PEAK1: variants seen among roughly 807,000 people sequenced by gnomAD.
The protein encoded by PEAK1 is pseudopodium enriched atypical kinase 1.
Under a neutral mutation model 124.7 loss-of-function variants are expected in PEAK1, and 54 were observed. The observed-to-expected ratio is 0.43, with a 90% CI of 0.35 to 0.54. The LOEUF is 0.54. Among genes scored for constraint, PEAK1 ranks in the 20% least tolerant of loss-of-function variants. The pLI, the probability that PEAK1 is intolerant of heterozygous loss-of-function variation, is 0.01. For missense variants in PEAK1, 2,046 were observed against 2,134.5 expected (o/e 0.96, Z 0.82); for synonymous variants, 719 against 760.0 (o/e 0.95, Z 0.89).
At chr15:77,378,014 G>T (rs1415884969) in intron 1 of PEAK1, among the ~76,000 whole-genome samples, 1 of 152,080 alleles carries the variant, frequency 6.6e-6, no homozygotes, top group African/African-American at 2.4e-5. Flanking sequence ...CAACGCCTAT[G>T]AGACTGGGCA....
chr15:77,237,265 T>G (rs983815500), intron 6 of PEAK1, among the ~76,000 whole-genome samples: 4 of 152,186 alleles, frequency 2.6e-5, no homozygotes, highest in Non-Finnish European at 5.9e-5. Flanking sequence ...ATTAAAAATT[T>G]AAATTTCTCT....
chr15:77,158,193 G>A (rs2152784815), intron 8 of PEAK1: 1 of 252,084 alleles, frequency 4.0e-6, no homozygotes, highest in East Asian at 7.7e-5. Context: ...TATACCATGT[G>A]TATATCTCTA....
chr15:77,403,117 T>A, intron 1 of PEAK1: 4 of 985,392 alleles, frequency 4.1e-6, no homozygotes, highest in Non-Finnish European at 4.8e-6. Context: ...TTGGAGCCTT[T>A]TCTGGTTACT....
chr15:77,221,473 A>G (rs962920303), intron 6 of PEAK1, among the ~76,000 whole-genome samples: 5 of 152,238 alleles, frequency 3.3e-5, no homozygotes, highest in East Asian at 3.9e-4. Flanking sequence ...GCTGATTTCA[A>G]TTAGCTTTGA....
At chr15:77,345,181 T>C (rs2066795282) in intron 2 of PEAK1, among the ~76,000 whole-genome samples, 1 of 152,206 alleles carries the variant, frequency 6.6e-6, no homozygotes. Flanking sequence ...GCTTTCCATA[T>C]ATGGCCTACA....
chr15:77,333,854 G>A, intron 2 of PEAK1: 2 of 567,816 alleles, frequency 3.5e-6, no homozygotes, highest in Non-Finnish European at 4.5e-6. Context: ...ACTTCATAAT[G>A]CTACTCCTTC....
rs560709511 is a variant in PEAK1, at chr15:77,323,189, A to C, written c.-602-36685T>G. 7.9e-5 allele frequency among the ~76,000 whole-genome samples: 12 copies of C among 152,342 alleles called. 2 individuals are homozygous for C. The South Asian group carries it at 2.5e-3, about 32-fold the overall frequency. Reference sequence around the variant, plus strand: ...ACAGCCAACATCATACTGAATGGGCAAAAACTGGAAGCGTTCCCTTTGAAA... The same window carrying C: ...ACAGCCAACATCATACTGAATGGGCCAAAACTGGAAGCGTTCCCTTTGAAA... On this transcript the variant is annotated intron_variant, in intron 2 of 9. Coordinates refer to ENST00000682557, the MANE Select transcript of PEAK1 (RefSeq NM_001385026.1).
chr15:77,115,543 G>T (rs372851907), intron 9 of PEAK1, among the ~76,000 whole-genome samples: 1 of 152,056 alleles, frequency 6.6e-6, no homozygotes, highest in African/African-American at 2.4e-5. Context: ...ACCATTTTTA[G>T]TCCTCACATT....
intron 1 of PEAK1, chr15:77,402,062 A>G: frequency 1.3e-6 from 1 of 750,052 alleles, no homozygotes; most frequent in Non-Finnish European, 1.6e-6. Context: ...AACTGGGCGT[A>G]GAGGCATGCA....
chr15:77,403,217 T>C (rs2071524250), intron 1 of PEAK1: 1 of 985,436 alleles, frequency 1.0e-6, no homozygotes, highest in Non-Finnish European at 1.2e-6. Context: ...AAACTGCTGA[T>C]TGGGTATGGT....
rs753955296 is a variant in PEAK1, at chr15:77,114,785, G to C, written c.4612C>G (p.Pro1538Ala). ...QPGGTAQGFG[P>A]AEPSPTSSYP... ...GATGAGGTGGGGCTGGGCTCTGCAG[G>C]CCCAAAGCCTTGGGCAGTCCCCCCA... The change falls in exon 10 of 10, where the codon CCT (proline) becomes GCT (alanine). Residue 1538 changes from proline to alanine, a missense_variant. Physicochemically the swap from Pro to Ala is conservative, Grantham distance 27. Transcript: ENST00000682557. The C allele has an allele frequency of 3.1e-6, 5 of 1,613,076 alleles. No homozygotes were observed. Among genetic ancestry groups the C allele is most frequent in the Admixed American group, 3.3e-5 (2 of 60,002 alleles).
At chr15:77,334,708 T>C (rs1235617851) in intron 2 of PEAK1, 1 of 984,416 alleles carries the variant, frequency 1.0e-6, no homozygotes. Flanking sequence ...GTGTGCTACA[T>C]CTCTCTCTTT....
intron 1 of PEAK1, chr15:77,370,850 T>C (rs947671810): frequency 1.7e-6 from 1 of 581,574 alleles, no homozygotes; most frequent in African/African-American, 2.0e-5. Flanking sequence ...GCCAAAATGG[T>C]GAAATCCCAA....
chr15:77,308,065 AG>A (rs1279245595), intron 2 of PEAK1, among the ~76,000 whole-genome samples: 1 of 152,132 alleles, frequency 6.6e-6, no homozygotes, highest in East Asian at 1.9e-4. Context: ...AATAAATAAA[AG>A]GTTAAAAATT....
chr15:77,179,937 T>C lies in PEAK1; in HGVS notation c.1990A>G (p.Thr664Ala), dbSNP rs1478110255. 5 of 1,614,170 alleles carry C rather than the reference T, an allele frequency of 3.1e-6. No individual in the cohort carries two copies. The South Asian group carries it at 3.3e-5, about 11-fold the overall frequency. ...CTTTCTGTTTCTATTTCTTCATAAG[T>C]ATGGCTTATTACACTTGTGGTTTTT... ...KEKTTSVISH[T>A]YEEIETESKV... The change falls in exon 7 of 10, where the codon ACT becomes GCT. Residue 664 changes from threonine to alanine, a missense_variant. Physicochemically the swap from Thr to Ala is moderately conservative, Grantham distance 58. Coordinates refer to ENST00000682557, the MANE Select transcript of PEAK1 (RefSeq NM_001385026.1).
At chr15:77,206,431 A>G (rs2058661941) in intron 6 of PEAK1, among the ~76,000 whole-genome samples, 1 of 146,318 alleles carries the variant, frequency 6.8e-6, no homozygotes, top group South Asian at 2.2e-4. Context: ...GAACTAGTTT[A>G]CAGTCCCACC....
intron 1 of PEAK1, chr15:77,371,260 G>A (rs1393159366): frequency 1.0e-6 from 1 of 973,896 alleles, no homozygotes; most frequent in Non-Finnish European, 1.2e-6. Context: ...CCTAGTAGAT[G>A]CTACCTAAAT....
intron 6 of PEAK1, among the ~76,000 whole-genome samples, chr15:77,201,529 C>A (rs532083960): frequency 1.3e-5 from 2 of 152,044 alleles, no homozygotes; most frequent in African/African-American, 4.8e-5. Flanking sequence ...TGAGCCACTG[C>A]GCCTGGCCCA....
intron 2 of PEAK1, among the ~76,000 whole-genome samples, chr15:77,305,300 T>C (rs2064034990): frequency 1.3e-5 from 2 of 151,996 alleles, no homozygotes. Flanking sequence ...TAAACAAATA[T>C]AATGGCCATT....
Sources: allele counts gnomAD v4.1 joint callset (sites outside exome capture counted in the v4.1 genomes callset), GRCh38; gene constraint gnomAD v4.1.1; transcripts MANE v1.5; gene names NCBI Gene and HGNC (gene_info 2026-07-23, HGNC 2026-07-21).